Variants in TMEM132D observed in about 807,000 individuals in gnomAD.
The protein encoded by TMEM132D is mature OL transmembrane protein.
In TMEM132D, 21 loss-of-function variants were observed where a neutral mutation model predicts 62.3. The observed-to-expected ratio is 0.34, with a 90% CI of 0.24 to 0.49. The LOEUF (loss-of-function observed/expected upper bound fraction) is 0.49, where lower values mean the gene tolerates loss of function less well. TMEM132D is among the 20% of genes least tolerant of loss of function. The pLI is 0.99. For synonymous variants in TMEM132D, 621 were observed against 575.6 expected (o/e 1.08, Z -1.13); for missense variants, 1,346 against 1,402.8 (o/e 0.96, Z 0.65).
intron 1 of TMEM132D, among the ~76,000 whole-genome samples, chr12:129,724,412 G>T (rs748072902): frequency 1.3e-5 from 2 of 152,332 alleles, no homozygotes; most frequent in Non-Finnish European, 2.9e-5. Flanking sequence ...ATGCTAGAAA[G>T]ACACAATCCA....
intron 3 of TMEM132D, among the ~76,000 whole-genome samples, chr12:129,404,699 A>G (rs1164223407): frequency 6.6e-6 from 1 of 152,032 alleles, no homozygotes; most frequent in Non-Finnish European, 1.5e-5. Context: ...GGGAGATGCC[A>G]TACTCTTTTA....
intron 2 of TMEM132D, among the ~76,000 whole-genome samples, chr12:129,582,368 T>C (rs1877892815): frequency 6.6e-6 from 1 of 152,152 alleles, no homozygotes; most frequent in Non-Finnish European, 1.5e-5. Flanking sequence ...TCCTGGTACT[T>C]ACCCCCCAGA....
intron 4 of TMEM132D, among the ~76,000 whole-genome samples, chr12:129,218,787 TC>T (rs1229495505): frequency 5.3e-5 from 8 of 152,028 alleles, no homozygotes; most frequent in Admixed American, 3.9e-4. Context: ...TCATTTGAAT[TC>T]CCCCCAAAAC....
chr12:129,125,665 CTTT>C (rs1325161022), intron 5 of TMEM132D, among the ~76,000 whole-genome samples: 1 of 151,238 alleles, frequency 6.6e-6, no homozygotes, highest in Non-Finnish European at 1.5e-5. Context: ...TTTTTCTTTT[CTTT>C]TTTCTTTTTT....
chr12:129,238,091 C>T (rs1362065131), intron 4 of TMEM132D, among the ~76,000 whole-genome samples: 1 of 152,174 alleles, frequency 6.6e-6, no homozygotes, highest in Non-Finnish European at 1.5e-5. Context: ...CATATCAAAT[C>T]TGTCTCTTCC....
In TMEM132D at chr12:129,432,120, T is replaced by C. The variant is rs1325209312; in HGVS notation, c.1116-94303A>G. 2.1e-5 allele frequency among the ~76,000 whole-genome samples: 3 copies of C among 142,536 alleles called. No individual in the cohort carries two copies. In the Admixed American group the frequency reaches 2.1e-4, roughly 10 times the overall value. The allele number at this position is 142,536 out of a possible 152,430, so 93.5% of individuals were successfully genotyped here. A position where few individuals can be genotyped will look rare whatever the true frequency, so the allele number is the denominator to read the frequency against. ...GCATATGGATGAATGAATGGATGGA[T>C]AGGTGGATGGATGGATGGATGGATG... On this transcript the variant is annotated intron_variant, in intron 3 of 8. Coordinates refer to ENST00000422113, the MANE Select transcript of TMEM132D (RefSeq NM_133448.3).
intron 4 of TMEM132D, among the ~76,000 whole-genome samples, chr12:129,254,497 C>T (rs998966732): frequency 3.9e-5 from 6 of 152,128 alleles, no homozygotes; most frequent in African/African-American, 9.7e-5. Context: ...TATTTAATCC[C>T]TCTAAGCCTC....
chr12:129,521,530 T>C (rs1875847353), intron 3 of TMEM132D: 1 of 152,124 alleles, frequency 6.6e-6, no homozygotes, highest in Non-Finnish European at 1.5e-5. Flanking sequence ...CAAAGAGCAG[T>C]TGAGAAAGAA....
intron 1 of TMEM132D, among the ~76,000 whole-genome samples, chr12:129,897,390 G>A (rs1286249666): frequency 6.6e-6 from 1 of 152,118 alleles, no homozygotes; most frequent in African/African-American, 2.4e-5. Flanking sequence ...GACCACTGAT[G>A]TGTCACCTAC....
At chr12:129,876,196 G>A (rs539577180) in intron 1 of TMEM132D, among the ~76,000 whole-genome samples, 2 of 152,118 alleles carry the variant, frequency 1.3e-5, no homozygotes, top group East Asian at 3.9e-4. Flanking sequence ...AAAGCAGCAA[G>A]AAGTGAGCCG....
At chr12:129,398,468 G>A (rs754237257) in intron 3 of TMEM132D, among the ~76,000 whole-genome samples, 2 of 152,160 alleles carry the variant, frequency 1.3e-5, no homozygotes, top group Non-Finnish European at 2.9e-5. Flanking sequence ...AAGACAATCA[G>A]CAGACATGCC....
At chr12:129,667,401 G>C (rs1880403012) in intron 2 of TMEM132D, among the ~76,000 whole-genome samples, 1 of 152,134 alleles carries the variant, frequency 6.6e-6, no homozygotes, top group Admixed American at 6.5e-5. Flanking sequence ...GAACAAAAGG[G>C]AAGAGAGAGA....
chr12:129,713,409 T>G (rs1193727707), intron 1 of TMEM132D, among the ~76,000 whole-genome samples: 3 of 152,030 alleles, frequency 2.0e-5, no homozygotes, highest in African/African-American at 7.2e-5. Flanking sequence ...TTTGTTGTTT[T>G]TTTTTTTAAT....
intron 2 of TMEM132D, among the ~76,000 whole-genome samples, chr12:129,596,068 C>G (rs576081931): frequency 1.5e-4 from 23 of 152,220 alleles, no homozygotes; most frequent in African/African-American, 5.3e-4. Flanking sequence ...CTGAGAAGCT[C>G]ATTAAATGTG....
At chr12:129,363,215 T>TGACA (rs770263572) in intron 3 of TMEM132D, among the ~76,000 whole-genome samples, 10 of 152,192 alleles carry the variant, frequency 6.6e-5, no homozygotes, top group African/African-American at 9.6e-5. Flanking sequence ...AGCTCACATG[T>TGACA]GACAGTAACT....
chr12:129,342,970 T>G (rs1282194919), intron 3 of TMEM132D, among the ~76,000 whole-genome samples: 2 of 152,200 alleles, frequency 1.3e-5, no homozygotes, highest in East Asian at 3.9e-4. Flanking sequence ...ACTTTTACAC[T>G]GTTGGTGGGA....
At chr12:129,483,754 G>A (rs1444306006) in intron 3 of TMEM132D, among the ~76,000 whole-genome samples, 1 of 152,142 alleles carries the variant, frequency 6.6e-6, no homozygotes, top group Non-Finnish European at 1.5e-5. Flanking sequence ...ACAAAACTCA[G>A]TGCCCCAATT....
chr12:129,108,383 C>A (rs1004108948), intron 5 of TMEM132D, among the ~76,000 whole-genome samples: 2 of 152,180 alleles, frequency 1.3e-5, no homozygotes, highest in African/African-American at 4.8e-5. Context: ...GCTTTATTTT[C>A]TGACCTGGTT....
In TMEM132D at chr12:129,074,875, A is replaced by G; in HGVS notation, c.2300T>C (p.Val767Ala). The G allele has an allele frequency of 3.1e-6, 5 of 1,613,746 alleles. No homozygotes were observed. The South Asian group carries it at 4.4e-5, about 14-fold the overall frequency. ...AAETEGQGTLVKVEMVISESC... is the reference protein window; with the variant it reads ...AAETEGQGTLAKVEMVISESC... ...TTCACTAATAACCATTTCCACCTTG[A>G]CCAGGGTGCCTTGTCCTTCTGTTTC... The change falls in exon 9 of 9, where the codon GTC (valine) becomes GCC (alanine). Residue 767 changes from valine (V) to alanine (A), a missense_variant. By Grantham distance (64) the Val-to-Ala change is moderately conservative. Coordinates refer to ENST00000422113, the MANE Select transcript of TMEM132D (RefSeq NM_133448.3).
Sources: allele counts gnomAD v4.1 joint callset (sites outside exome capture counted in the v4.1 genomes callset), GRCh38; gene constraint gnomAD v4.1.1; transcripts MANE v1.5; gene names NCBI Gene and HGNC (gene_info 2026-07-23, HGNC 2026-07-21).